The following JAM3 variants were observed in gnomAD, a reference collection of about 807,000 sequenced individuals.
JAM3 encodes junctional adhesion molecule C.
Under a neutral mutation model 39.4 loss-of-function variants are expected in JAM3, and 31 were observed. That is an observed-to-expected ratio of 0.79 (90% confidence interval 0.59 to 1.06). The LOEUF (loss-of-function observed/expected upper bound fraction) is 1.06, where lower values mean the gene tolerates loss of function less well. Ranked by LOEUF, JAM3 falls within the 50% of genes least tolerant of loss-of-function variation. JAM3 has a pLI of 0.00. For synonymous variants in JAM3, 182 were observed against 148.7 expected (o/e 1.22, Z -1.63); for missense variants, 455 against 391.4 (o/e 1.16, Z -1.37).
intron 1 of JAM3, among the ~76,000 whole-genome samples, chr11:134,093,781 G>A (rs1379123775): frequency 8.7e-5 from 7 of 80,654 alleles, no homozygotes; most frequent in Admixed American, 1.2e-4. Flanking sequence ...CCTGAGGGAA[G>A]CTTCTCCTGA....
chr11:134,103,048 G>A (rs996505363), intron 1 of JAM3, among the ~76,000 whole-genome samples: 1 of 152,130 alleles, frequency 6.6e-6, no homozygotes, highest in African/African-American at 2.4e-5. Context: ...GCAACTCCAA[G>A]ACACATAATT....
chr11:134,106,372 T>A (rs1942186746), intron 1 of JAM3, among the ~76,000 whole-genome samples: 2 of 151,998 alleles, frequency 1.3e-5, no homozygotes, highest in South Asian at 4.1e-4. Context: ...ACTTAAATGT[T>A]AGACCTAAAA....
rs1441946106 is a variant in JAM3, at chr11:134,071,288, A to G, written c.76+2129A>G. Among the ~76,000 whole-genome samples, 3 of 152,364 alleles carry G rather than the reference A, an allele frequency of 2.0e-5. No individual in the cohort carries two copies. In the East Asian group the frequency reaches 5.8e-4, roughly 29 times the overall value. On this transcript the variant is annotated intron_variant, in intron 1 of 8. Transcript: ENST00000299106. Reference sequence around the variant, plus strand: ...CTTTTGTGGATGAGGGAACAGAAGTATGGAGAGATTCAGACCCTTGTCGGG... The same window carrying G: ...CTTTTGTGGATGAGGGAACAGAAGTGTGGAGAGATTCAGACCCTTGTCGGG...
chr11:134,123,789 G>A lies in JAM3; in HGVS notation c.77-16062G>A, dbSNP rs571115398. The A allele has an allele frequency of 2.4e-4, 176 of 719,990 alleles. No homozygotes were observed. In the African/African-American group the frequency reaches 2.7e-3, roughly 11 times the overall value. 44.6% of individuals were successfully genotyped at this position (719,990 alleles called of 1,614,324 possible). A position where few individuals can be genotyped will look rare whatever the true frequency, so the allele number is the denominator to read the frequency against. ...CAGGTACCAAGGGTTCCCTCTAAAT[G>A]CCACAATCAAGTGAGCCTTCATTTA... is the stretch of plus-strand genomic sequence containing the variant. On this transcript the variant is annotated intron_variant, in intron 1 of 8. Coordinates refer to ENST00000299106, the MANE Select transcript of JAM3 (RefSeq NM_032801.5).
At chr11:134,092,271 C>T (rs1352446549) in intron 1 of JAM3, among the ~76,000 whole-genome samples, 3 of 152,166 alleles carry the variant, frequency 2.0e-5, no homozygotes, top group African/African-American at 4.8e-5. Flanking sequence ...TGTTGCCTGG[C>T]GGAGCCCTCC....
chr11:134,120,394 G>A (rs1411748049), intron 1 of JAM3, among the ~76,000 whole-genome samples: 1 of 152,206 alleles, frequency 6.6e-6, no homozygotes, highest in East Asian at 1.9e-4. Flanking sequence ...GCATAAACTA[G>A]TTCTTAGTGA....
Position 134,150,755 on chromosome 11 carries a change from G to C in JAM3, c.*1574G>C, listed in dbSNP as rs1051577482. 6.6e-6 allele frequency: 1 copy of C among 152,028 alleles called. No homozygotes were observed. The allele number at this position is 152,028 out of a possible 1,614,324, so 9.4% of individuals were successfully genotyped here. On this transcript the variant is annotated 3_prime_UTR_variant, in exon 9 of 9. Coordinates refer to ENST00000299106, the MANE Select transcript of JAM3 (RefSeq NM_032801.5). ...TTTTTAAAAGAAAATGGATCCCACTGTTCCTCTTTGCCACAGAGAAAGCAC... is the reference window on the plus strand; with the variant it reads ...TTTTTAAAAGAAAATGGATCCCACTCTTCCTCTTTGCCACAGAGAAAGCAC...
intron 1 of JAM3, among the ~76,000 whole-genome samples, chr11:134,129,924 C>G (rs992125787): frequency 6.6e-6 from 1 of 152,040 alleles, no homozygotes; most frequent in Non-Finnish European, 1.5e-5. Context: ...ATCGCTTAAA[C>G]ATGGGAGGCG....
intron 1 of JAM3, among the ~76,000 whole-genome samples, chr11:134,115,633 G>A (rs470425): frequency 1.3e-5 from 2 of 152,060 alleles, no homozygotes; most frequent in African/African-American, 4.8e-5. Context: ...GGTGCTGTGC[G>A]GCTAATGCCT....
At chr11:134,124,197 C>A (rs1042597490) in intron 1 of JAM3, 1 of 1,440,086 alleles carries the variant, frequency 6.9e-7, no homozygotes, top group East Asian at 2.3e-5. Flanking sequence ...ATCACAAACT[C>A]GAACCAAAGT....
At chr11:134,101,674 A>G (rs1258111485) in intron 1 of JAM3, among the ~76,000 whole-genome samples, 3 of 152,156 alleles carry the variant, frequency 2.0e-5, no homozygotes, top group East Asian at 1.9e-4. Flanking sequence ...ATTGCCTTTT[A>G]TCATCTTAAA....
At chr11:134,096,669 T>C (rs1395377716) in intron 1 of JAM3, among the ~76,000 whole-genome samples, 1 of 152,230 alleles carries the variant, frequency 6.6e-6, no homozygotes, top group Non-Finnish European at 1.5e-5. Context: ...TTTCCCTTCC[T>C]GCAAGCAAGG....
rs1940395 is a variant in JAM3, at chr11:134,084,404, C to T, written c.76+15245C>T. Among the ~76,000 whole-genome samples, 1,059 of 152,214 alleles carry T rather than the reference C, an allele frequency of 7.0e-3. 33 individuals carry two copies. The highest frequency in any genetic ancestry group is 0.061 in the Admixed American group (929 of 15,280). On this transcript the variant is annotated intron_variant, in intron 1 of 8. Transcript: ENST00000299106. ...CTTATCTATAAAAGAGTAGTAATAG[C>T]GTAAAGTAGCTTTGTGGGGTTGTTT...
At chr11:134,083,142 T>C (rs1399569498) in intron 1 of JAM3, among the ~76,000 whole-genome samples, 3 of 151,306 alleles carry the variant, frequency 2.0e-5, no homozygotes, top group Non-Finnish European at 4.4e-5. Flanking sequence ...TTAGAGATGC[T>C]TACTTCTGTG....
intron 1 of JAM3, among the ~76,000 whole-genome samples, chr11:134,089,322 T>G (rs932967275): frequency 6.6e-6 from 1 of 152,174 alleles, no homozygotes; most frequent in Non-Finnish European, 1.5e-5. Context: ...TTTCTTTTTT[T>G]TATTATACTT....
rs1438503374 is a variant in JAM3 at position 134,150,920 on chromosome 11, A to T, written c.*1739A>T. 2 of 152,198 alleles carry T rather than the reference A, an allele frequency of 1.3e-5. No homozygotes were observed. Among genetic ancestry groups the T allele is most frequent in the Non-Finnish European group, 2.9e-5 (2 of 68,034 alleles). The allele number at this position is 152,198 out of a possible 1,614,324, so 9.4% of individuals were successfully genotyped here. A position where few individuals can be genotyped will look rare whatever the true frequency, so the allele number is the denominator to read the frequency against. Reference sequence around the variant, plus strand: ...AAAGTGAAACGCCTGAATCAAAAGCAGTTTTCTAATTTTGACTTTAAATTT... The same window carrying T: ...AAAGTGAAACGCCTGAATCAAAAGCTGTTTTCTAATTTTGACTTTAAATTT... On this transcript the variant is annotated 3_prime_UTR_variant, in exon 9 of 9. Coordinates refer to ENST00000299106, the MANE Select transcript of JAM3 (RefSeq NM_032801.5).
At chr11:134,085,108 G>A (rs1169981856) in intron 1 of JAM3, among the ~76,000 whole-genome samples, 1 of 152,196 alleles carries the variant, frequency 6.6e-6, no homozygotes, top group Non-Finnish European at 1.5e-5. Context: ...GTGAATGCTA[G>A]TGTAAGCCCC....
chr11:134,133,371 T>G (rs1209418758), intron 1 of JAM3, among the ~76,000 whole-genome samples: 4 of 152,212 alleles, frequency 2.6e-5, no homozygotes, highest in South Asian at 2.1e-4. Flanking sequence ...GTCTTGTTCC[T>G]GATTGTAGGG....
At chr11:134,072,314 A>ATTTTT (rs34630736) in intron 1 of JAM3, among the ~76,000 whole-genome samples, 1 of 144,694 alleles carries the variant, frequency 6.9e-6, no homozygotes, top group African/African-American at 2.5e-5. Flanking sequence ...GTGAAGTTGG[A>ATTTTT]TTTTTTTTTT....
Sources: allele counts gnomAD v4.1 joint callset (sites outside exome capture counted in the v4.1 genomes callset), GRCh38; gene constraint gnomAD v4.1.1; transcripts MANE v1.5; gene names NCBI Gene and HGNC (gene_info 2026-07-23, HGNC 2026-07-21).